The following ZC3HAV1L variants were observed in gnomAD, a reference collection of about 807,000 sequenced individuals.
ZC3HAV1L encodes zinc finger CCCH-type antiviral protein 1-like.
A neutral mutation model predicts 28.2 loss-of-function variants in ZC3HAV1L; 23 were observed. That is an observed-to-expected ratio of 0.82 (90% CI 0.59 to 1.16). The LOEUF (loss-of-function observed/expected upper bound fraction) is 1.16, where lower values mean the gene tolerates loss of function less well. Among genes scored for constraint, ZC3HAV1L ranks in the 50% most tolerant of loss-of-function variants. The probability of loss-of-function intolerance (pLI) is 0.00; values close to 1 mark genes in which losing one functional copy is unlikely to be tolerated. For missense variants in ZC3HAV1L, 376 were observed against 387.7 expected, an observed-to-expected ratio of 0.97 and a Z score of 0.25; for synonymous variants, 180 against 163.4, an observed-to-expected ratio of 1.10 and a Z score of -0.78.
chr7:139,023,768 C>G (rs1416613374), downstream of ZC3HAV1L, among the ~76,000 whole-genome samples: 1 of 152,150 alleles, frequency 6.6e-6, no homozygotes, highest in Non-Finnish European at 1.5e-5. Context: ...ACTCCCATAA[C>G]AGATGACTTG....
At position 139,034,639 on chromosome 7, in the gene ZC3HAV1L, G is replaced by C; in HGVS notation, c.405C>G (p.Val135=). ...CATGGCTTTTCAGGACCTGCATGTTGACAGGTGTGTGGATATCATGGGAAA... is the reference window on the plus strand; with the variant it reads ...CATGGCTTTTCAGGACCTGCATGTTCACAGGTGTGTGGATATCATGGGAAA... The part of the protein sequence containing the change: ...CTLSHDIHTP[V]NMQVLKSHGL... Residue 135 remains valine (V), a synonymous_variant, in exon 2 of 5, where the codon GTC becomes GTG. Transcript: ENST00000275766. 6.2e-7 allele frequency: 1 copy of C among 1,614,010 alleles called. No homozygotes were observed. The highest frequency in any genetic ancestry group is 8.5e-7 in the Non-Finnish European group (1 of 1,179,922).
chr7:139,033,198 CAA>C (rs11407392), intron 2 of ZC3HAV1L, among the ~76,000 whole-genome samples: 1 of 145,648 alleles, frequency 6.9e-6, no homozygotes, highest in Non-Finnish European at 1.5e-5. Flanking sequence ...GACCCTGTCT[CAA>C]AAAAAAAAAA....
downstream of ZC3HAV1L, among the ~76,000 whole-genome samples, chr7:139,021,579 T>A (rs1462603325): frequency 3.9e-5 from 6 of 152,070 alleles, no homozygotes; most frequent in Non-Finnish European, 8.8e-5. Flanking sequence ...ACATATACTA[T>A]AACCAGGTAG....
chr7:139,023,235 A>C (rs568689068), downstream of ZC3HAV1L, among the ~76,000 whole-genome samples: 3 of 152,082 alleles, frequency 2.0e-5, no homozygotes, highest in East Asian at 5.8e-4. Context: ...ATCACAAGAC[A>C]AAATAGCACA....
At chr7:139,035,355 C>A in intron 1 of ZC3HAV1L, 3 of 985,470 alleles carry the variant, frequency 3.0e-6, no homozygotes, top group Non-Finnish European at 3.6e-6. Flanking sequence ...GCTCCGAAGT[C>A]CCAGTCCGGA....
downstream of ZC3HAV1L, among the ~76,000 whole-genome samples, chr7:139,025,449 C>CAAA (rs11399688): frequency 2.9e-5 from 4 of 136,308 alleles, no homozygotes; most frequent in Admixed American, 7.5e-5. Context: ...ACTCTGTCTC[C>CAAA]AAAAAAAAAA....
At chr7:139,031,241 A>G (rs920567617) in intron 2 of ZC3HAV1L, among the ~76,000 whole-genome samples, 1 of 152,166 alleles carries the variant, frequency 6.6e-6, no homozygotes, top group Admixed American at 6.5e-5. Context: ...TGAGCCAAGG[A>G]GTTCAAGACC....
chr7:139,023,993 T>C (rs1815297944), downstream of ZC3HAV1L, among the ~76,000 whole-genome samples: 1 of 152,166 alleles, frequency 6.6e-6, no homozygotes, highest in African/African-American at 2.4e-5. Context: ...TTTTTGTCTA[T>C]GTCATTAGGT....
At chr7:139,032,802 A>G (rs1815573784) in intron 2 of ZC3HAV1L, among the ~76,000 whole-genome samples, 1 of 152,142 alleles carries the variant, frequency 6.6e-6, no homozygotes, top group African/African-American at 2.4e-5. Context: ...ATTGCAATCA[A>G]TTCACAATGT....
At chr7:139,027,383 C>T (rs879647818) in intron 3 of ZC3HAV1L, among the ~76,000 whole-genome samples, 1 of 152,204 alleles carries the variant, frequency 6.6e-6, no homozygotes, top group Admixed American at 6.5e-5. Flanking sequence ...GACTAAAAAA[C>T]TACTAAAGGC....
At chr7:139,029,544 G>A (rs1484548454) in intron 2 of ZC3HAV1L, among the ~76,000 whole-genome samples, 1 of 152,130 alleles carries the variant, frequency 6.6e-6, no homozygotes, top group African/African-American at 2.4e-5. Flanking sequence ...AAAGCCTGTA[G>A]CCAATGAATG....
intron 1 of ZC3HAV1L, 186 bp from the exon 2 acceptor site, chr7:139,034,864 TC>T (rs929196775): frequency 4.1e-6 from 4 of 985,330 alleles, no homozygotes; most frequent in Admixed American, 1.2e-4. Context: ...GGAACTCCTC[TC>T]CCAGGGTCAT....
Position 139,028,813 on chromosome 7 carries a change from C to A in ZC3HAV1L, c.649G>T (p.Ala217Ser). Reference sequence around the variant, plus strand: ...TGGTCCTGTAGCAGCTTCAAAGATGCAGCATGGATAAGCTGATGGGACCGT... The same window carrying A: ...TGGTCCTGTAGCAGCTTCAAAGATGAAGCATGGATAAGCTGATGGGACCGT... The part of the protein sequence containing the change: ...CKRSHQLIHA[A>S]SLKLLQDQGL... Residue 217 changes from alanine to serine, a missense_variant, in exon 3 of 5, where the codon GCA becomes TCA. Transcript: ENST00000275766. The A allele has an allele frequency of 6.2e-7, 1 of 1,614,140 alleles. No homozygotes were observed. The highest frequency in any genetic ancestry group is 8.5e-7 in the Non-Finnish European group (1 of 1,180,042).
chr7:139,033,665 G>T, intron 2 of ZC3HAV1L: 1 of 947,974 alleles, frequency 1.1e-6, no homozygotes, highest in Non-Finnish European at 1.3e-6. Flanking sequence ...GTGAGGCTGG[G>T]CCCAAGATAC....
At chr7:139,023,513 C>G (rs1349486579), downstream of ZC3HAV1L, among the ~76,000 whole-genome samples, 5 of 152,312 alleles carry the variant, frequency 3.3e-5, no homozygotes, top group African/African-American at 1.2e-4. Context: ...TTTAACTCAC[C>G]TTTCTAGTCC....
chr7:139,029,841 G>A (rs920031579), intron 2 of ZC3HAV1L, among the ~76,000 whole-genome samples: 3 of 152,074 alleles, frequency 2.0e-5, no homozygotes, highest in East Asian at 3.9e-4. Context: ...GCATTTTTAG[G>A]CTGCAAGGGA....
chr7:139,029,005 T>C (rs1815444708), intron 2 of ZC3HAV1L, 45 bp from the exon 3 acceptor site: 1 of 1,578,876 alleles, frequency 6.3e-7, no homozygotes, highest in Non-Finnish European at 8.6e-7. Context: ...GTTTTTCTTT[T>C]TTTTTTGGCA....
Position 139,026,459 on chromosome 7 carries a change from G to T in ZC3HAV1L, c.*85C>A. The T allele has an allele frequency of 1.3e-6, 2 of 1,579,276 alleles. No individual in the cohort carries two copies. Among genetic ancestry groups the T allele is most frequent in the East Asian group, 2.2e-5 (1 of 44,510 alleles). ...CTGCACTCAATTTTAGCCTCTCTTT[G>T]CCTGTTCAATGTCCCACCCCATCCC... is the stretch of plus-strand genomic sequence containing the variant. On this transcript the variant is annotated 3_prime_UTR_variant, in exon 5 of 5. Transcript: ENST00000275766.
intron 2 of ZC3HAV1L, among the ~76,000 whole-genome samples, chr7:139,029,515 T>C (rs898492445): frequency 6.6e-6 from 1 of 152,182 alleles, no homozygotes; most frequent in Non-Finnish European, 1.5e-5. Flanking sequence ...CACTCTCAGC[T>C]GAACTGCCCT....
Sources: allele counts gnomAD v4.1 joint callset (sites outside exome capture counted in the v4.1 genomes callset), GRCh38; gene constraint gnomAD v4.1.1; transcripts MANE v1.5; gene names NCBI Gene and HGNC (gene_info 2026-07-23, HGNC 2026-07-21).